Variants in ITPR1 observed in about 807,000 individuals in gnomAD.
ITPR1 encodes inositol 1,4,5-trisphosphate receptor type 1, also known as inositol 1,4,5-trisphosphate-gated calcium channel ITPR1.
Under a neutral mutation model 318.4 loss-of-function variants are expected in ITPR1, and 96 were observed. The observed-to-expected ratio is 0.30, with a 90% CI of 0.26 to 0.36. The LOEUF (loss-of-function observed/expected upper bound fraction) is 0.36. Among genes scored for constraint, ITPR1 ranks in the 10% least tolerant of loss-of-function variants. The pLI is 1.00. For synonymous variants in ITPR1, 1,312 were observed against 1,289.9 expected (o/e 1.02, Z -0.37); for missense variants, 2,440 against 3,460.2 (o/e 0.71, Z 7.40).
At chr3:4,645,954 G>A (rs1048689392) in intron 10 of ITPR1, 42 of 495,772 alleles carry the variant, frequency 8.5e-5, no homozygotes, top group Non-Finnish European at 7.2e-6. Context: ...GTTGGGGATG[G>A]CATAGTGAAG....
At chr3:4,721,169 CGTGTATATAT>C (rs1484174916) in intron 40 of ITPR1, among the ~76,000 whole-genome samples, 4 of 24,348 alleles carry the variant, frequency 1.6e-4, no homozygotes, top group Non-Finnish European at 2.9e-4. Context: ...CGTGTGTGTG[CGTGTATATAT>C]ATATATATAT....
Position 4,521,066 on chromosome 3 carries a change from C to T in ITPR1, c.135C>T (p.Asp45=). 2 of 1,613,612 alleles carry T rather than the reference C, an allele frequency of 1.2e-6. No homozygotes were observed. Among genetic ancestry groups the T allele is most frequent in the Non-Finnish European group, 1.7e-6 (2 of 1,179,606 alleles). The change falls in exon 4 of 62, where the codon GAC becomes GAT. Residue 45 remains aspartate, a synonymous_variant. Transcript: ENST00000649015. ...DRCVVQPETG[D]LNNPPKKFRD... ...GTGTTGTACAGCCAGAAACCGGGGACCTTAACAATCCACCTAAGAAATTCA... is the reference window on the plus strand; with the variant it reads ...GTGTTGTACAGCCAGAAACCGGGGATCTTAACAATCCACCTAAGAAATTCA...
At chr3:4,693,408 C>G (rs757470776) in intron 32 of ITPR1, 82 bp from the exon 33 acceptor site, 14 of 1,469,452 alleles carry the variant, frequency 9.5e-6, no homozygotes, top group Middle Eastern at 3.5e-4. Context: ...CAGAACCTCT[C>G]TCTTCCTCTG....
chr3:4,539,523 T>G (rs1001678354), intron 4 of ITPR1, among the ~76,000 whole-genome samples: 1 of 152,154 alleles, frequency 6.6e-6, no homozygotes, highest in African/African-American at 2.4e-5. Context: ...TTGTTCCTGA[T>G]TATGGTGGTG....
intron 4 of ITPR1, among the ~76,000 whole-genome samples, chr3:4,609,556 C>T (rs1051183696): frequency 2.0e-5 from 3 of 152,084 alleles, no homozygotes; most frequent in Non-Finnish European, 2.9e-5. Flanking sequence ...TATATGAGGC[C>T]ATGGCCCACC....
chr3:4,620,356 TCTGGA>T (rs1157899113), intron 4 of ITPR1, among the ~76,000 whole-genome samples: 4 of 152,178 alleles, frequency 2.6e-5, no homozygotes, highest in African/African-American at 9.7e-5. Flanking sequence ...GGAACAGATG[TCTGGA>T]CTATATGGGG....
intron 4 of ITPR1, among the ~76,000 whole-genome samples, chr3:4,533,761 A>G (rs1479110580): frequency 6.6e-6 from 1 of 152,218 alleles, no homozygotes; most frequent in Non-Finnish European, 1.5e-5. Flanking sequence ...GCTTGGGGCT[A>G]TTAGAAAAGA....
At chr3:4,796,527 G>C (rs1270091856) in intron 53 of ITPR1, among the ~76,000 whole-genome samples, 1 of 152,176 alleles carries the variant, frequency 6.6e-6, no homozygotes, top group Non-Finnish European at 1.5e-5. Flanking sequence ...GTTCCTCACG[G>C]CAGATTATTC....
At chr3:4,611,205 G>T (rs2092089762) in intron 4 of ITPR1, among the ~76,000 whole-genome samples, 1 of 140,038 alleles carries the variant, frequency 7.1e-6, no homozygotes, top group Non-Finnish European at 1.5e-5. Context: ...GACCAGCCTG[G>T]GCAACATGTC....
At chr3:4,628,864 C>T (rs1417051303) in intron 5 of ITPR1, among the ~76,000 whole-genome samples, 1 of 152,240 alleles carries the variant, frequency 6.6e-6, no homozygotes, top group Non-Finnish European at 1.5e-5. Flanking sequence ...CATCTGTGAG[C>T]CCCAAGCACC....
At chr3:4,798,808 T>C (rs562483443) in intron 53 of ITPR1, among the ~76,000 whole-genome samples, 1 of 152,328 alleles carries the variant, frequency 6.6e-6, no homozygotes, top group African/African-American at 2.4e-5. Context: ...AAAAACTTGC[T>C]CAGTGAAAGA....
intron 4 of ITPR1, among the ~76,000 whole-genome samples, chr3:4,626,980 G>A (rs2092849381): frequency 6.6e-6 from 1 of 151,972 alleles, no homozygotes; most frequent in Admixed American, 6.6e-5. Flanking sequence ...CACTATACCT[G>A]GCTAATTTTT....
intron 60 of ITPR1, among the ~76,000 whole-genome samples, chr3:4,829,279 C>G (rs983200865): frequency 6.6e-6 from 1 of 152,192 alleles, no homozygotes; most frequent in African/African-American, 2.4e-5. Flanking sequence ...TTTCTACTGA[C>G]ACACTAATGT....
At chr3:4,609,967 G>C (rs2125097528) in intron 4 of ITPR1, among the ~76,000 whole-genome samples, 1 of 152,312 alleles carries the variant, frequency 6.6e-6, no homozygotes, top group South Asian at 2.1e-4. Context: ...GCCCGGCCCA[G>C]ATGAGCAAGG....
intron 53 of ITPR1, among the ~76,000 whole-genome samples, chr3:4,795,400 A>T (rs1465546891): frequency 6.6e-6 from 1 of 152,216 alleles, no homozygotes; most frequent in East Asian, 1.9e-4. Flanking sequence ...TTAACCAGGA[A>T]AGAAAGAGAA....
chr3:4,835,698 A>C (rs1462325986), intron 60 of ITPR1, among the ~76,000 whole-genome samples: 1 of 152,200 alleles, frequency 6.6e-6, no homozygotes, highest in East Asian at 1.9e-4. Flanking sequence ...CCCCTGTCTC[A>C]TGCTAAGCTT....
At chr3:4,495,546 A>G (rs1462017894) in intron 2 of ITPR1, among the ~76,000 whole-genome samples, 1 of 152,146 alleles carries the variant, frequency 6.6e-6, no homozygotes, top group East Asian at 1.9e-4. Flanking sequence ...GTGCTCATAG[A>G]GCCAAGGATT....
chr3:4,820,780 C>T (rs955775969), intron 60 of ITPR1, among the ~76,000 whole-genome samples: 28 of 152,182 alleles, frequency 1.8e-4, no homozygotes, highest in Middle Eastern at 3.2e-3. Context: ...TTCTCGCCTG[C>T]GCTGTCTGCT....
intron 4 of ITPR1, among the ~76,000 whole-genome samples, chr3:4,608,322 C>G (rs2091844700): frequency 6.6e-6 from 1 of 152,064 alleles, no homozygotes; most frequent in African/African-American, 2.4e-5. Flanking sequence ...GGATTTGAGG[C>G]AGAGGTGTCA....
Sources: gnomAD v4.1 joint callset for allele counts (sites outside exome capture counted in the v4.1 genomes callset) on GRCh38, gnomAD v4.1.1 for gene constraint, MANE v1.5 for transcripts, NCBI Gene and HGNC (gene_info 2026-07-23, HGNC 2026-07-21) for gene names.